The following ANXA9 variants were observed in gnomAD, a reference collection of about 807,000 sequenced individuals.
ANXA9 encodes annexin A9, also known as annexin 31.
Under a neutral mutation model 51.8 loss-of-function variants are expected in ANXA9, and 47 were observed. The observed-to-expected ratio is 0.91, with a 90% CI of 0.72 to 1.16. The LOEUF is 1.16. Among genes scored for constraint, ANXA9 ranks in the 50% most tolerant of loss-of-function variants. ANXA9 has a pLI of 0.00. For synonymous variants in ANXA9, 154 were observed against 168.7 expected, an observed-to-expected ratio of 0.91 and a Z score of 0.68; for missense variants, 361 against 424.7, an observed-to-expected ratio of 0.85 and a Z score of 1.32.
At chr1:150,978,794 T>C (rs1221283717), upstream of ANXA9, among the ~76,000 whole-genome samples, 1 of 151,936 alleles carries the variant, frequency 6.6e-6, no homozygotes. Flanking sequence ...TGAAACACTG[T>C]CTCTACTAAA....
rs369064246 is a variant in ANXA9 at position 150,988,098 on chromosome 1, T to C, written c.705T>C (p.Asp235=). The C allele has an allele frequency of 3.1e-6, 5 of 1,614,170 alleles. No homozygotes were observed. Among genetic ancestry groups the C allele is most frequent in the Non-Finnish European group, 8.5e-7 (1 of 1,180,036 alleles). The change falls in exon 11 of 14, where the codon GAT becomes GAC. Residue 235 remains aspartate, a synonymous_variant. Coordinates refer to ENST00000368947, the MANE Select transcript of ANXA9 (RefSeq NM_003568.3). Reference sequence around the variant, plus strand: ...GCCTCCTACACACACAAGTGTTTGATCAGTACCAGCGGAGCACTGGGCAAG... The same window carrying C: ...GCCTCCTACACACACAAGTGTTTGACCAGTACCAGCGGAGCACTGGGCAAG... The part of the protein sequence containing the change: ...RNPEHLIRVF[D]QYQRSTGQEL...
intron 12 of ANXA9, among the ~76,000 whole-genome samples, chr1:150,991,300 G>T (rs587631783): frequency 6.6e-6 from 1 of 151,206 alleles, no homozygotes; most frequent in Non-Finnish European, 1.5e-5. Flanking sequence ...GCAGTGGCGC[G>T]ATCTCGGCTC....
At position 150,994,586 on chromosome 1, in the gene ANXA9, C is replaced by T. The variant is rs760470182; in HGVS notation, c.862C>T (p.Pro288Ser). 2 of 1,613,846 alleles carry T rather than the reference C, an allele frequency of 1.2e-6. No homozygotes were observed. The highest frequency in any genetic ancestry group is 1.1e-5 in the South Asian group (1 of 91,074). Reference protein sequence around the residue: ...KLHQALQETEPNYQVLIRILI... With the variant: ...KLHQALQETESNYQVLIRILI... ...TTTCTTCCCCTACTAGGAAACTGAG[C>T]CCAATTACCAAGTCCTGATTCGCAT... Residue 288 changes from proline to serine, a missense_variant, in exon 13 of 14, where the codon CCC becomes TCC. Pro to Ser is a moderately conservative substitution (Grantham distance 74, BLOSUM62 -1). Transcript: ENST00000368947.
chr1:150,995,419 C>A lies in ANXA9; in HGVS notation c.*97C>A. The stretch of plus-strand genomic sequence containing the variant: ...AGCTGGGCCTCCAAGTAGGATAACC[C>A]CTCACTGAGCACCACATTCTCTAGC... On this transcript the variant is annotated 3_prime_UTR_variant, in exon 14 of 14. Transcript: ENST00000368947. The A allele has an allele frequency of 9.4e-7, 1 of 1,065,308 alleles. No individual in the cohort carries two copies. The highest frequency in any genetic ancestry group is 1.4e-6 in the Non-Finnish European group (1 of 737,896). The allele number at this position is 1,065,308 out of a possible 1,614,324, so 66.0% of individuals were successfully genotyped here. A position where few individuals can be genotyped will look rare whatever the true frequency, so the allele number is the denominator to read the frequency against.
At position 150,983,352 on chromosome 1, in the gene ANXA9, GACCCTGGGC is replaced by G. The variant is rs758532541; in HGVS notation, c.96_104del (p.Gly33_Leu35del). Reference sequence around the variant, plus strand: ...TGCTCCCACAGACTGCAGCGTGGGGGACCCTGGGCACCCTCAGGACCTTCTTGAACTTCA... The same window carrying G: ...TGCTCCCACAGACTGCAGCGTGGGGGACCCTCAGGACCTTCTTGAACTTCA... On this transcript the variant is annotated inframe_deletion, in exon 4 of 14. Coordinates refer to ENST00000368947, the MANE Select transcript of ANXA9 (RefSeq NM_003568.3). 1.1e-5 allele frequency: 17 copies of G among 1,614,062 alleles called. No homozygotes were observed. In the Admixed American group the frequency reaches 2.7e-4, roughly 25 times the overall value.
chr1:150,980,286 C>G (rs370779913), upstream of ANXA9, among the ~76,000 whole-genome samples: 7 of 151,898 alleles, frequency 4.6e-5, no homozygotes, highest in African/African-American at 1.4e-4. Context: ...ATCCCAGCTA[C>G]TCGGGAGGCG....
In ANXA9 at chr1:150,988,126, C is replaced by T. The variant is rs1164358691; in HGVS notation, c.733C>T (p.Leu245=). 1 of 1,614,232 alleles carries T rather than the reference C, an allele frequency of 6.2e-7. No homozygotes were observed. Among genetic ancestry groups the T allele is most frequent in the Admixed American group, 1.7e-5 (1 of 60,024 alleles). Residue 245 remains leucine, a synonymous_variant, in exon 11 of 14, where the codon CTG becomes TTG. Transcript: ENST00000368947. The part of the protein sequence containing the change: ...DQYQRSTGQE[L]EEAVQNRFHG... ...GTACCAGCGGAGCACTGGGCAAGAGCTGGAGGAGGCTGTCCAGAACCGTTT... is the reference window on the plus strand; with the variant it reads ...GTACCAGCGGAGCACTGGGCAAGAGTTGGAGGAGGCTGTCCAGAACCGTTT...
At chr1:150,979,538 A>G (rs931011588), upstream of ANXA9, among the ~76,000 whole-genome samples, 1 of 152,068 alleles carries the variant, frequency 6.6e-6, no homozygotes, top group African/African-American at 2.4e-5. Context: ...CTGCATACCA[A>G]TTCCACCCAG....
At chr1:150,989,125 G>A (rs894939276) in intron 12 of ANXA9, among the ~76,000 whole-genome samples, 3 of 151,856 alleles carry the variant, frequency 2.0e-5, no homozygotes, top group African/African-American at 7.3e-5. Flanking sequence ...GATTACAGGC[G>A]CCCGCCACCA....
At chr1:150,986,110 G>A (rs949661584) in intron 7 of ANXA9, among the ~76,000 whole-genome samples, 33 of 152,132 alleles carry the variant, frequency 2.2e-4, no homozygotes, top group Admixed American at 6.6e-5. Flanking sequence ...CAGCAGGTTG[G>A]TGCTTGGTGA....
chr1:150,989,937 C>A (rs1671656889), intron 12 of ANXA9, among the ~76,000 whole-genome samples: 1 of 152,072 alleles, frequency 6.6e-6, no homozygotes, highest in South Asian at 2.1e-4. Flanking sequence ...CAAACTATCC[C>A]AGCAGTAGAT....
upstream of ANXA9, among the ~76,000 whole-genome samples, chr1:150,980,568 A>G (rs1671396409): frequency 7.1e-6 from 1 of 140,038 alleles, no homozygotes; most frequent in Non-Finnish European, 1.5e-5. Context: ...AATTACACAG[A>G]TTACTTTTTT....
At chr1:150,992,695 C>A (rs1224734738) in intron 12 of ANXA9, among the ~76,000 whole-genome samples, 1 of 152,144 alleles carries the variant, frequency 6.6e-6, no homozygotes, top group Non-Finnish European at 1.5e-5. Context: ...ATAGTCCCAG[C>A]TGCTTGGGAG....
chr1:150,983,229 G>A (rs770814820), intron 3 of ANXA9, 49 bp downstream of exon 3: 1 of 1,605,846 alleles, frequency 6.2e-7, no homozygotes, highest in Non-Finnish European at 8.5e-7. Context: ...CTCAGCTCGG[G>A]CTGTGAGAGG....
intron 4 of ANXA9, 110 bp downstream of exon 4, chr1:150,983,544 C>A: frequency 9.1e-7 from 1 of 1,097,734 alleles, no homozygotes; most frequent in Non-Finnish European, 1.3e-6. Context: ...TTGTGGAATG[C>A]CTTCATTCTT....
Position 150,984,558 on chromosome 1 carries a change from C to G in ANXA9, c.382-28C>G, listed in dbSNP as rs184419916. Reference sequence around the variant, plus strand: ...CTGCCATCCTAATGACACGGCCAGTCTGAGAGTAGACTCCCAATTTCTTGT... The same window carrying G: ...CTGCCATCCTAATGACACGGCCAGTGTGAGAGTAGACTCCCAATTTCTTGT... On this transcript the variant is annotated intron_variant, in intron 6 of 13. Transcript: ENST00000368947. 4.6e-4 allele frequency: 744 copies of G among 1,602,892 alleles called. 8 individuals are homozygous for G. The African/African-American group carries it at 9.0e-3, about 19-fold the overall frequency.
intron 7 of ANXA9, 99 bp from the exon 8 acceptor site, chr1:150,986,237 G>T: frequency 9.7e-7 from 1 of 1,030,132 alleles, no homozygotes; most frequent in East Asian, 2.4e-5. Flanking sequence ...GGGCTAGCAG[G>T]GCTGGCAGGG....
intron 12 of ANXA9, 58 bp downstream of exon 12, chr1:150,988,399 C>G (rs1671619942): frequency 1.9e-6 from 3 of 1,591,408 alleles, no homozygotes; most frequent in Non-Finnish European, 2.6e-6. Context: ...GAGAGGAAGT[C>G]TCAGCTTGCT....
At chr1:150,995,156 T>TTCCC (rs1261467849) in intron 13 of ANXA9, 104 bp from the exon 14 acceptor site, 1 of 1,181,722 alleles carries the variant, frequency 8.5e-7, no homozygotes, top group African/African-American at 1.5e-5. Flanking sequence ...GGGAGGACCC[T>TTCCC]TCCCTCCCAG....
Sources: allele counts gnomAD v4.1 joint callset (sites outside exome capture counted in the v4.1 genomes callset), GRCh38; gene constraint gnomAD v4.1.1; transcripts MANE v1.5; gene names NCBI Gene and HGNC (gene_info 2026-07-23, HGNC 2026-07-21).